The following ZC3H12B variants were observed in gnomAD, a reference collection of about 807,000 sequenced individuals.
ZC3H12B encodes the protein probable ribonuclease ZC3H12B.
Under a neutral mutation model 43.9 loss-of-function variants are expected in ZC3H12B, and 7 were observed. The observed-to-expected ratio is 0.16, with a 90% confidence interval of 0.09 to 0.30. The LOEUF is 0.30. Ranked by LOEUF, ZC3H12B falls within the 10% of genes least tolerant of loss-of-function variation. The probability of loss-of-function intolerance (pLI) is 1.00; values close to 1 mark genes in which losing one functional copy is unlikely to be tolerated. For synonymous variants in ZC3H12B, 222 were observed against 241.7 expected (o/e 0.92, Z 0.76); for missense variants, 475 against 670.2 (o/e 0.71, Z 3.22).
the ZC3H12B span, among the ~76,000 whole-genome samples, chrX:65,282,444 GA>G: frequency 8.9e-6 from 1 of 111,825 alleles, no homozygotes. Flanking sequence ...AGGCAACGTA[GA>G]AAAATAAAAG....
At chrX:65,123,471 C>G in the ZC3H12B span, among the ~76,000 whole-genome samples, 1 of 110,857 alleles carries the variant, frequency 9.0e-6, no homozygotes, top group South Asian at 3.7e-4. Flanking sequence ...ATTCCCCCTT[C>G]TTCTATTCAT....
intron 3 of ZC3H12B, among the ~76,000 whole-genome samples, chrX:65,461,266 T>C (rs1274000638): frequency 8.9e-6 from 1 of 112,112 alleles, no homozygotes; most frequent in Non-Finnish European, 1.9e-5. Flanking sequence ...GGGACTAAAC[T>C]AGTTCAACCA....
chrX:65,093,171 A>G, the ZC3H12B span, among the ~76,000 whole-genome samples: 1 of 111,699 alleles, frequency 9.0e-6, no homozygotes, highest in African/African-American at 3.3e-5. Flanking sequence ...GTGGGTGCAC[A>G]GAATCCGAGT....
chrX:65,290,271 C>G, the ZC3H12B span, among the ~76,000 whole-genome samples: 1 of 109,494 alleles, frequency 9.1e-6, no homozygotes, highest in Non-Finnish European at 1.9e-5. Flanking sequence ...AATATCAAAC[C>G]TAATAAGATG....
intron 2 of ZC3H12B, among the ~76,000 whole-genome samples, chrX:65,392,595 G>A (rs1014969037): frequency 3.6e-5 from 4 of 110,410 alleles, no homozygotes; most frequent in Non-Finnish European, 7.6e-5. Context: ...GGAGGTGGGT[G>A]GTGCCCCCGC....
chrX:65,406,865 G>A (rs1354165175), intron 3 of ZC3H12B, among the ~76,000 whole-genome samples: 5 of 112,527 alleles, frequency 4.4e-5, no homozygotes, highest in Non-Finnish European at 9.4e-5. Context: ...CCGTCGTCCC[G>A]CGGCGACCAA....
the ZC3H12B span, among the ~76,000 whole-genome samples, chrX:65,197,015 TA>T: frequency 9.0e-6 from 1 of 111,323 alleles, no homozygotes; most frequent in African/African-American, 3.3e-5. Flanking sequence ...GAGCAAGCAG[TA>T]AGTAAAAAAG....
the ZC3H12B span, among the ~76,000 whole-genome samples, chrX:65,194,327 T>C: frequency 1.1e-4 from 12 of 108,501 alleles, no homozygotes; most frequent in African/African-American, 4.0e-4. Context: ...CACTCCAGCA[T>C]GGCACATGTA....
chrX:65,497,658 TA>T (rs1245654522), intron 2 of ZC3H12B, among the ~76,000 whole-genome samples: 2 of 111,408 alleles, frequency 1.8e-5, no homozygotes, highest in Non-Finnish European at 3.8e-5. Flanking sequence ...GTTTGCAAAT[TA>T]GGGAATAAAA....
At chrX:65,244,566 T>C in the ZC3H12B span, among the ~76,000 whole-genome samples, 1 of 106,765 alleles carries the variant, frequency 9.4e-6, no homozygotes, top group Non-Finnish European at 1.9e-5. Context: ...GTAACATAGG[T>C]TCTGTTTGTA....
chrX:65,337,687 G>C, the ZC3H12B span, among the ~76,000 whole-genome samples: 1 of 112,408 alleles, frequency 8.9e-6, no homozygotes, highest in Non-Finnish European at 1.9e-5. Flanking sequence ...TATTGATAGC[G>C]TGCATAATTC....
At chrX:65,300,686 C>T in the ZC3H12B span, among the ~76,000 whole-genome samples, 1 of 111,058 alleles carries the variant, frequency 9.0e-6, no homozygotes, top group Non-Finnish European at 1.9e-5. Context: ...AGCTTGTATC[C>T]TCCCTATACC....
At chrX:65,199,552 A>G in the ZC3H12B span, among the ~76,000 whole-genome samples, 4 of 110,119 alleles carry the variant, frequency 3.6e-5, no homozygotes, top group African/African-American at 9.9e-5. Context: ...TCACCTAAGC[A>G]TTAAGTCCAT....
the ZC3H12B span, among the ~76,000 whole-genome samples, chrX:65,195,341 G>T: frequency 1.3e-4 from 14 of 110,420 alleles, no homozygotes; most frequent in Non-Finnish European, 1.9e-5. Flanking sequence ...TGGGTTTTTT[G>T]ATTTGAGGTA....
At chrX:65,145,279 G>T in the ZC3H12B span, among the ~76,000 whole-genome samples, 1 of 101,720 alleles carries the variant, frequency 9.8e-6, no homozygotes, top group Non-Finnish European at 2.0e-5. Flanking sequence ...AAAGTTTGTT[G>T]TGTCTGATAT....
chrX:65,502,733 C>G, exon 5 of ZC3H12B: 2 of 1,210,578 alleles, frequency 1.7e-6, no homozygotes, highest in Non-Finnish European at 2.2e-6. Context: ...TGCAGACTAC[C>G]CCATGCCTCC....
chrX:65,487,295 C>T (rs771390935), upstream of ZC3H12B, among the ~76,000 whole-genome samples: 8 of 112,682 alleles, frequency 7.1e-5, no homozygotes, highest in South Asian at 2.2e-3. Flanking sequence ...AATCCCAGCA[C>T]TTTGGGAAGC....
At chrX:65,228,490 C>G in the ZC3H12B span, among the ~76,000 whole-genome samples, 2 of 111,014 alleles carry the variant, frequency 1.8e-5, no homozygotes, top group African/African-American at 6.5e-5. Flanking sequence ...GGGATGCCCT[C>G]TCTCACCACT....
the ZC3H12B span, among the ~76,000 whole-genome samples, chrX:65,230,410 G>A: frequency 1.8e-5 from 2 of 109,312 alleles, no homozygotes; most frequent in African/African-American, 6.7e-5. Flanking sequence ...GGGAGGGATA[G>A]CATTAGGAGA....
Sources: allele counts gnomAD v4.1 joint callset (sites outside exome capture counted in the v4.1 genomes callset), GRCh38; gene constraint gnomAD v4.1.1; transcripts MANE v1.5; gene names NCBI Gene and HGNC (gene_info 2026-07-23, HGNC 2026-07-21).